The following POMK variants were observed in gnomAD, a reference collection of about 807,000 sequenced individuals.
The protein encoded by POMK is Sugen kinase 196.
POMK carries 19 observed loss-of-function variants against 23.0 expected under a neutral mutation model. The observed-to-expected ratio is 0.83, with a 90% confidence interval of 0.58 to 1.21. POMK has a LOEUF of 1.21. Among genes scored for constraint, POMK ranks in the 50% most tolerant of loss-of-function variants. The pLI, the probability that POMK is intolerant of heterozygous loss-of-function variation, is 0.00. For synonymous variants in POMK, 173 were observed against 171.6 expected (o/e 1.01, Z -0.06); for missense variants, 410 against 431.3 (o/e 0.95, Z 0.44).
intron 4 of POMK, among the ~76,000 whole-genome samples, chr8:43,111,656 C>G (rs1811669944): frequency 6.6e-6 from 1 of 152,184 alleles, no homozygotes; most frequent in Non-Finnish European, 1.5e-5. Flanking sequence ...AGTAGCCTAA[C>G]TGGGAGGCAC....
intron 2 of POMK, among the ~76,000 whole-genome samples, chr8:43,101,583 A>C (rs546568947): frequency 3.9e-5 from 6 of 152,258 alleles, no homozygotes; most frequent in African/African-American, 1.2e-4. Context: ...CTTTCCTTGG[A>C]GACTACCAGG....
Position 43,103,652 on chromosome 8 carries a change from A to T in POMK, c.104A>T (p.Tyr35Phe). ...LIMALMNTLL[Y>F]LCLDHFFIAP... ...ATGGCCCTGATGAATACTCTGCTCT[A>T]CCTCTGCCTCGACCACTTCTTCATC... The change falls in exon 4 of 5, where the codon TAC becomes TTC. Residue 35 changes from tyrosine to phenylalanine, a missense_variant. Transcript: ENST00000331373. 6.2e-7 allele frequency: 1 copy of T among 1,613,514 alleles called. No homozygotes were observed. Among genetic ancestry groups the T allele is most frequent in the Non-Finnish European group, 8.5e-7 (1 of 1,179,936 alleles).
At chr8:43,118,385 T>C (rs1441910764) in intron 4 of POMK, among the ~76,000 whole-genome samples, 1 of 152,182 alleles carries the variant, frequency 6.6e-6, no homozygotes, top group African/African-American at 2.4e-5. Context: ...AATAAAGGCA[T>C]AGAAAAACTT....
At chr8:43,096,860 A>G (rs1811345493) in intron 1 of POMK, among the ~76,000 whole-genome samples, 1 of 152,248 alleles carries the variant, frequency 6.6e-6, no homozygotes, top group Non-Finnish European at 1.5e-5. Context: ...GAGCTTTTAA[A>G]AAAAACTGGT....
chr8:43,112,791 A>G (rs1811704032), intron 4 of POMK, among the ~76,000 whole-genome samples: 1 of 152,254 alleles, frequency 6.6e-6, no homozygotes, highest in Non-Finnish European at 1.5e-5. Context: ...TTTTCAACCC[A>G]GAATTTCATA....
chr8:43,112,518 A>C (rs1240683827), intron 4 of POMK, among the ~76,000 whole-genome samples: 1 of 152,228 alleles, frequency 6.6e-6, no homozygotes, highest in Non-Finnish European at 1.5e-5. Flanking sequence ...GAACTTCCCC[A>C]ATCTAGCAAG....
chr8:43,106,750 C>T (rs775507634), intron 4 of POMK, among the ~76,000 whole-genome samples: 9 of 152,098 alleles, frequency 5.9e-5, no homozygotes, highest in African/African-American at 1.7e-4. Flanking sequence ...CCGCCCTCCT[C>T]GACCTCCCAA....
At chr8:43,111,374 AG>A (rs1360163591) in intron 4 of POMK, among the ~76,000 whole-genome samples, 3 of 152,142 alleles carry the variant, frequency 2.0e-5, no homozygotes, top group Middle Eastern at 3.4e-3. Context: ...AGGCTGGGGG[AG>A]GGGCGCCCGC....
At chr8:43,095,117 A>G (rs1266218031) in intron 1 of POMK, among the ~76,000 whole-genome samples, 1 of 152,204 alleles carries the variant, frequency 6.6e-6, no homozygotes, top group Non-Finnish European at 1.5e-5. Flanking sequence ...CTAGCTGACC[A>G]CGCTGGGTTT....
At chr8:43,118,201 GC>G (rs1487583514) in intron 4 of POMK, among the ~76,000 whole-genome samples, 1 of 152,094 alleles carries the variant, frequency 6.6e-6, no homozygotes, top group African/African-American at 2.4e-5. Context: ...TAGGTATTAT[GC>G]CCACACTATG....
Position 43,122,923 on chromosome 8 carries a change from G to A in POMK, c.*46G>A. 1 of 1,509,792 alleles carries A rather than the reference G, an allele frequency of 6.6e-7. No individual in the cohort carries two copies. 93.5% of individuals were successfully genotyped at this position (1,509,792 alleles called of 1,614,324 possible). A position where few individuals can be genotyped will look rare whatever the true frequency, so the allele number is the denominator to read the frequency against. On this transcript the variant is annotated 3_prime_UTR_variant, in exon 5 of 5. Transcript: ENST00000331373. ...GGTGGGATTGAAGGGCTGAATGGAA[G>A]TTACAGCATTCTACTCTGATGGTGG...
intron 4 of POMK, among the ~76,000 whole-genome samples, chr8:43,109,407 A>G (rs1811604370): frequency 6.6e-6 from 1 of 152,148 alleles, no homozygotes; most frequent in South Asian, 2.1e-4. Flanking sequence ...TTAATATTCC[A>G]TAAAAATCCT....
At chr8:43,101,730 A>G (rs1166600198) in intron 2 of POMK, among the ~76,000 whole-genome samples, 1 of 152,218 alleles carries the variant, frequency 6.6e-6, no homozygotes, top group Non-Finnish European at 1.5e-5. Context: ...CCCAACTGAT[A>G]AGACTTCAAA....
intron 2 of POMK, among the ~76,000 whole-genome samples, chr8:43,101,562 A>G (rs928778449): frequency 6.6e-6 from 1 of 152,184 alleles, no homozygotes; most frequent in African/African-American, 2.4e-5. Context: ...TCTGGACTGC[A>G]AAGTGGTCCT....
intron 3 of POMK, among the ~76,000 whole-genome samples, chr8:43,102,993 ACC>A (rs1219382968): frequency 4.6e-5 from 7 of 151,986 alleles, no homozygotes; most frequent in Non-Finnish European, 1.0e-4. Context: ...AGTCTCTTTC[ACC>A]CCAAATCTAC....
At chr8:43,096,890 C>T (rs1811346270) in intron 1 of POMK, among the ~76,000 whole-genome samples, 1 of 152,272 alleles carries the variant, frequency 6.6e-6, no homozygotes, top group South Asian at 2.1e-4. Flanking sequence ...ATAATACCAG[C>T]CCATCACTGT....
chr8:43,095,662 G>A (rs1811319444), intron 1 of POMK, among the ~76,000 whole-genome samples: 1 of 152,148 alleles, frequency 6.6e-6, no homozygotes, highest in Admixed American at 6.5e-5. Context: ...GAAGCCTCTA[G>A]CCTCTTCACT....
At chr8:43,094,333 G>C (rs770918977) in intron 1 of POMK, among the ~76,000 whole-genome samples, 20 of 152,116 alleles carry the variant, frequency 1.3e-4, no homozygotes, top group Non-Finnish European at 2.5e-4. Context: ...TACTGGGTCC[G>C]GCAGAGGCTG....
At chr8:43,098,053 T>G (rs1811369664) in intron 2 of POMK, among the ~76,000 whole-genome samples, 1 of 152,144 alleles carries the variant, frequency 6.6e-6, no homozygotes. Context: ...AACCACAGCT[T>G]CTGCTTGTTT....
Sources: allele counts gnomAD v4.1 joint callset (sites outside exome capture counted in the v4.1 genomes callset), GRCh38; gene constraint gnomAD v4.1.1; transcripts MANE v1.5; gene names NCBI Gene and HGNC (gene_info 2026-07-23, HGNC 2026-07-21).